Variants in RAD50 observed in about 807,000 individuals in gnomAD.
The protein encoded by RAD50 is DNA repair protein RAD50.
Under a neutral mutation model 168.8 loss-of-function variants are expected in RAD50, and 132 were observed. The ratio of observed to expected loss-of-function variants is 0.78; its 90% confidence interval spans 0.68 to 0.90. The LOEUF (loss-of-function observed/expected upper bound fraction) is 0.90. RAD50 is among the 40% of genes least tolerant of loss of function. The probability of loss-of-function intolerance (pLI) is 0.00; values close to 1 mark genes in which losing one functional copy is unlikely to be tolerated. For missense variants in RAD50, 1,347 were observed against 1,534.4 expected (o/e 0.88, Z 2.04); for synonymous variants, 525 against 497.4 (o/e 1.06, Z -0.74).
chr5:132,625,064 A>G (rs1751348820), intron 21 of RAD50, among the ~76,000 whole-genome samples: 1 of 152,004 alleles, frequency 6.6e-6, no homozygotes, highest in African/African-American at 2.4e-5. Context: ...GTCTCTGAAC[A>G]CTACAGATGT....
chr5:132,577,609 G>T (rs1361696637), intron 3 of RAD50, among the ~76,000 whole-genome samples: 1 of 151,906 alleles, frequency 6.6e-6, no homozygotes, highest in African/African-American at 2.4e-5. Context: ...ATCAATAAAG[G>T]TTGGAAGTCT....
Position 132,579,300 on chromosome 5 carries a change from AT to A in RAD50, c.366-13del. ...GAAGGTTATTTTACATATATTCTTGATTTTCATTTTCTGTAGGCATGGTGAA... is the reference window on the plus strand; with the variant it reads ...GAAGGTTATTTTACATATATTCTTGATTTCATTTTCTGTAGGCATGGTGAA... On this transcript the variant is annotated splice_polypyrimidine_tract_variant and intron_variant, in intron 3 of 24. Transcript: ENST00000378823. The A allele has an allele frequency of 1.9e-6, 3 of 1,610,466 alleles. No individual in the cohort carries two copies. Among genetic ancestry groups the A allele is most frequent in the Non-Finnish European group, 2.5e-6 (3 of 1,176,886 alleles).
At chr5:132,609,497 A>G (rs1751048333) in intron 19 of RAD50, 101 bp downstream of exon 19, 1 of 1,532,572 alleles carries the variant, frequency 6.5e-7, no homozygotes, top group South Asian at 1.2e-5. Context: ...CAAAAAGGAA[A>G]GAGGCCAAGC....
intron 15 of RAD50, 30 bp downstream of exon 15, chr5:132,604,076 T>C (rs1370074629): frequency 6.2e-7 from 1 of 1,611,290 alleles, no homozygotes; most frequent in African/African-American, 1.3e-5. Context: ...TCTGTACTCA[T>C]AGAGACTTTG....
chr5:132,642,916 G>A lies in RAD50; in HGVS notation c.*552G>A, dbSNP rs1485963326. 1 of 441,164 alleles carries A rather than the reference G, an allele frequency of 2.3e-6. No individual in the cohort carries two copies. The highest frequency in any genetic ancestry group is 2.0e-5 in the African/African-American group (1 of 50,652). The allele number at this position is 441,164 out of a possible 1,614,324, so 27.3% of individuals were successfully genotyped here. On this transcript the variant is annotated 3_prime_UTR_variant, in exon 25 of 25. Transcript: ENST00000378823. ...GTTTCCCCAACTAAAATTTGAAGTA[G>A]TTGAATGGGGTCTCAAAGTTTGACA...
chr5:132,608,582 T>G, intron 16 of RAD50, 33 bp from the exon 17 acceptor site: 5 of 1,466,716 alleles, frequency 3.4e-6, no homozygotes, highest in Non-Finnish European at 4.6e-6. Context: ...TAATGGAATA[T>G]TATATAATAC....
intron 21 of RAD50, among the ~76,000 whole-genome samples, chr5:132,619,077 A>G (rs1235193284): frequency 1.3e-5 from 2 of 152,090 alleles, no homozygotes; most frequent in African/African-American, 4.8e-5. Context: ...TAGTTGATTC[A>G]TTTTCACTGA....
At chr5:132,631,150 T>G (rs914033053) in intron 21 of RAD50, among the ~76,000 whole-genome samples, 2 of 148,940 alleles carry the variant, frequency 1.3e-5, no homozygotes, top group African/African-American at 5.0e-5. Context: ...AGACAGAGTC[T>G]GGCTCTGTCA....
chr5:132,634,182 T>C (rs6871536), intron 21 of RAD50, among the ~76,000 whole-genome samples: 36,395 of 152,018 alleles, frequency 0.24, 4,632 homozygotes, highest in African/African-American at 0.31. Context: ...CTTTGTAATA[T>C]CACATCTACC....
At position 132,587,464 on chromosome 5, in the gene RAD50, T is replaced by G. The variant is rs1011837262; in HGVS notation, c.757-98T>G. 2.7e-5 allele frequency: 41 copies of G among 1,519,800 alleles called. No homozygotes were observed. In the African/African-American group the frequency reaches 5.4e-4, roughly 20 times the overall value. The allele number at this position is 1,519,800 out of a possible 1,614,324, so 94.1% of individuals were successfully genotyped here. A position where few individuals can be genotyped will look rare whatever the true frequency, so the allele number is the denominator to read the frequency against. On this transcript the variant is annotated intron_variant, in intron 5 of 24. Coordinates refer to ENST00000378823, the MANE Select transcript of RAD50 (RefSeq NM_005732.4). ...TTGTTAGCCTTAAATGAGATCACTT[T>G]TACTAAATGCCTGGACCTGGAGTAT... is the stretch of plus-strand genomic sequence containing the variant.
At chr5:132,626,906 G>T (rs1751380858) in intron 21 of RAD50, among the ~76,000 whole-genome samples, 1 of 151,852 alleles carries the variant, frequency 6.6e-6, no homozygotes, top group Non-Finnish European at 1.5e-5. Flanking sequence ...GAGTCTCACT[G>T]GTTCTCTCAG....
At chr5:132,579,229 T>G in intron 3 of RAD50, 88 bp from the exon 4 acceptor site, 2 of 1,374,354 alleles carry the variant, frequency 1.5e-6, no homozygotes, top group East Asian at 2.4e-5. Flanking sequence ...TTTATTCTTT[T>G]AAAGAAGTAC....
intron 12 of RAD50, 138 bp from the exon 13 acceptor site, chr5:132,595,435 C>T: frequency 1.9e-6 from 1 of 534,110 alleles, no homozygotes; most frequent in Non-Finnish European, 3.1e-6. Flanking sequence ...TTTTAAATAT[C>T]AGAATTTTTA....
rs2149841602 is a variant in RAD50 at position 132,589,844 on chromosome 5, T to G, written c.1452+7T>G. 1 of 1,602,268 alleles carries G rather than the reference T, an allele frequency of 6.2e-7. No homozygotes were observed. Among genetic ancestry groups the G allele is most frequent in the Non-Finnish European group, 8.5e-7 (1 of 1,170,398 alleles). On this transcript the variant is annotated splice_region_variant and intron_variant, in intron 9 of 24. Coordinates refer to ENST00000378823, the MANE Select transcript of RAD50 (RefSeq NM_005732.4). ...CCAGGAGCTCATAAAAGCTGTAAGA[T>G]ATTGTTTGAATAATCTAATAATTTT...
In RAD50 at chr5:132,642,728, G is replaced by T; in HGVS notation, c.*364G>T. On this transcript the variant is annotated 3_prime_UTR_variant, in exon 25 of 25. Transcript: ENST00000378823. The stretch of plus-strand genomic sequence containing the variant: ...ACTGCCTTGAAAATTTATGGTTTTG[G>T]TATTTTTTTAAATCATAGTTAAATG... 1 of 383,266 alleles carries T rather than the reference G, an allele frequency of 2.6e-6. No individual in the cohort carries two copies. Among genetic ancestry groups the T allele is most frequent in the South Asian group, 2.9e-5 (1 of 34,932 alleles). 23.7% of individuals were successfully genotyped at this position (383,266 alleles called of 1,614,324 possible). A position where few individuals can be genotyped will look rare whatever the true frequency, so the allele number is the denominator to read the frequency against.
intron 2 of RAD50, 102 bp downstream of exon 2, chr5:132,559,469 C>G: frequency 8.1e-7 from 1 of 1,237,682 alleles, no homozygotes; most frequent in Admixed American, 2.2e-5. Context: ...AAATGAAAGT[C>G]AGCCCCACAC....
intron 5 of RAD50, 82 bp downstream of exon 5, chr5:132,580,148 G>A (rs534029201): frequency 1.7e-5 from 20 of 1,202,278 alleles, no homozygotes; most frequent in African/African-American, 6.0e-5. Context: ...AGTATACATC[G>A]TGGACTGGCT....
intron 9 of RAD50, among the ~76,000 whole-genome samples, chr5:132,590,252 G>A (rs948182014): frequency 1.3e-5 from 2 of 152,088 alleles, no homozygotes; most frequent in Non-Finnish European, 2.9e-5. Flanking sequence ...GGCAGATAAC[G>A]TGAGGTCAGG....
At chr5:132,614,027 G>T (rs955555078) in intron 19 of RAD50, among the ~76,000 whole-genome samples, 13 of 152,130 alleles carry the variant, frequency 8.5e-5, no homozygotes, top group African/African-American at 2.9e-4. Context: ...TTTGAGCCTA[G>T]ATGTATCTGA....
Sources: allele counts gnomAD v4.1 joint callset (sites outside exome capture counted in the v4.1 genomes callset), GRCh38; gene constraint gnomAD v4.1.1; transcripts MANE v1.5; gene names NCBI Gene and HGNC (gene_info 2026-07-23, HGNC 2026-07-21).